The following SGTB variants were observed in gnomAD, a reference collection of about 807,000 sequenced individuals.
SGTB encodes the protein small glutamine rich tetratricopeptide repeat co-chaperone beta.
Under a neutral mutation model 43.9 loss-of-function variants are expected in SGTB, and 19 were observed. The observed-to-expected ratio is 0.43, with a 90% confidence interval of 0.30 to 0.63. The LOEUF is 0.63. SGTB is among the 30% of genes least tolerant of loss of function. SGTB has a pLI of 0.12. For synonymous variants in SGTB, 116 were observed against 117.3 expected (o/e 0.99, Z 0.07); for missense variants, 304 against 358.9 (o/e 0.85, Z 1.24).
At chr5:65,688,751 T>C (rs928288255) in intron 5 of SGTB, among the ~76,000 whole-genome samples, 4 of 152,162 alleles carry the variant, frequency 2.6e-5, no homozygotes, top group African/African-American at 7.2e-5. Flanking sequence ...AATAATACCA[T>C]GTGGATTGCA....
chr5:65,697,087 G>C (rs1028107061), intron 5 of SGTB, among the ~76,000 whole-genome samples: 7 of 152,164 alleles, frequency 4.6e-5, no homozygotes, highest in Admixed American at 4.6e-4. Context: ...AAAAATGGCA[G>C]AGGTAGTTGG....
At chr5:65,671,845 C>T (rs1450689974) in intron 10 of SGTB, 70 bp downstream of exon 10, 12 of 1,375,810 alleles carry the variant, frequency 8.7e-6, no homozygotes, top group East Asian at 4.9e-5. Context: ...AAGCCCTGAC[C>T]CCTCACCATA....
chr5:65,680,689 T>C lies in SGTB; in HGVS notation c.585A>G (p.Ile195Met). The C allele has an allele frequency of 6.2e-7, 1 of 1,614,136 alleles. No homozygotes were observed. The highest frequency in any genetic ancestry group is 8.5e-7 in the Non-Finnish European group (1 of 1,180,012). The change falls in exon 7 of 11, where the codon ATA becomes ATG. Residue 195 changes from isoleucine (I) to methionine (M), a missense_variant. Transcript: ENST00000381007. ...ATACCTCTCTTAACTTCTGTTCTGCTATTTTCAGATTTGACTTATAGGAAT... is the reference window on the plus strand; with the variant it reads ...ATACCTCTCTTAACTTCTGTTCTGCCATTTTCAGATTTGACTTATAGGAAT... ...ENDSYKSNLKIAEQKLREVSS... is the reference protein window; with the variant it reads ...ENDSYKSNLKMAEQKLREVSS...
chr5:65,720,748 C>T lies in SGTB; in HGVS notation c.60G>A (p.Gln20=). The change falls in exon 2 of 11, where the codon CAG becomes CAA. Residue 20 remains glutamine, a synonymous_variant. Transcript: ENST00000381007. ...AVIRFLREQS[Q]MDTYTSDEQE... ...GTTCATCCGAGGTGTAAGTGTCCAT[C>T]TGACTTTGTTCCCGTAAGAAACGAA... The T allele has an allele frequency of 6.2e-7, 1 of 1,613,996 alleles. No homozygotes were observed. Among genetic ancestry groups the T allele is most frequent in the Admixed American group, 1.7e-5 (1 of 60,020 alleles).
intron 8 of SGTB, among the ~76,000 whole-genome samples, chr5:65,680,122 G>A (rs992714835): frequency 2.0e-5 from 3 of 152,208 alleles, no homozygotes; most frequent in Admixed American, 6.5e-5. Context: ...GCCAAATGAT[G>A]AGAACACAAT....
chr5:65,722,524 C>T (rs878907570), upstream of SGTB: 1 of 985,002 alleles, frequency 1.0e-6, no homozygotes, highest in Non-Finnish European at 1.5e-6. Flanking sequence ...TCCGACGCTC[C>T]CGGGACGCAC....
intron 5 of SGTB, among the ~76,000 whole-genome samples, chr5:65,686,977 A>C (rs1757511909): frequency 6.6e-6 from 1 of 152,192 alleles, no homozygotes; most frequent in Admixed American, 6.5e-5. Context: ...CTGGATGTAC[A>C]TAGTAATAAA....
chr5:65,674,172 T>G (rs1019478914), intron 8 of SGTB, among the ~76,000 whole-genome samples: 6 of 150,766 alleles, frequency 4.0e-5, no homozygotes, highest in African/African-American at 7.4e-5. Flanking sequence ...TATGGGGTAC[T>G]TTCTCATGTT....
rs13358279 is a variant in SGTB, at chr5:65,670,963, T to C, written c.804-606A>G. ...TCAGACACAGATTCAAAAAGCAAAG[T>C]TGTCTTCGCCAATTTGATATAAGTG... On this transcript the variant is annotated intron_variant, in intron 10 of 10. Coordinates refer to ENST00000381007, the MANE Select transcript of SGTB (RefSeq NM_019072.3). Among the ~76,000 whole-genome samples, 466 of 152,152 alleles carry C rather than the reference T, an allele frequency of 3.1e-3. 5 individuals are homozygous for C. The highest frequency in any genetic ancestry group is 0.011 in the African/African-American group (450 of 41,506).
intron 3 of SGTB, among the ~76,000 whole-genome samples, chr5:65,712,256 A>AGG (rs1004494846): frequency 6.6e-6 from 1 of 152,198 alleles, no homozygotes; most frequent in African/African-American, 2.4e-5. Context: ...GCTGGGTGAC[A>AGG]GAGAGAGACC....
chr5:65,697,667 TTAA>T (rs1374274713), intron 5 of SGTB, among the ~76,000 whole-genome samples: 1 of 152,180 alleles, frequency 6.6e-6, no homozygotes, highest in East Asian at 1.9e-4. Flanking sequence ...ACATTGATGA[TTAA>T]TAAAGGAATT....
chr5:65,676,165 CAG>C (rs567919190), intron 8 of SGTB, among the ~76,000 whole-genome samples: 56 of 152,006 alleles, frequency 3.7e-4, no homozygotes, highest in African/African-American at 1.3e-3. Flanking sequence ...AAATGGAAAA[CAG>C]AAAAAAGCAG....
Position 65,704,371 on chromosome 5 carries a change from G to T in SGTB, c.282C>A (p.Asn94Lys). The T allele has an allele frequency of 6.2e-7, 1 of 1,610,546 alleles. No homozygotes were observed. The highest frequency in any genetic ancestry group is 8.5e-7 in the Non-Finnish European group (1 of 1,178,234). Reference protein sequence around the residue: ...KADQLKDEGNNHMKEENYAAA... With the variant: ...KADQLKDEGNKHMKEENYAAA... ...CAGCATAATTTTCTTCTTTCATGTG[G>T]TTATTGCCTAAAATAAAGTAACCAG... The change falls in exon 5 of 11, where the codon AAC (asparagine) becomes AAA (lysine). Residue 94 changes from asparagine to lysine, a missense_variant. Coordinates refer to ENST00000381007, the MANE Select transcript of SGTB (RefSeq NM_019072.3).
At chr5:65,722,256 C>G, upstream of SGTB, 1 of 688,172 alleles carries the variant, frequency 1.5e-6, no homozygotes, top group Non-Finnish European at 2.2e-6. Flanking sequence ...CAGGCAGCCA[C>G]TGTGGCCTCT....
At chr5:65,709,175 A>C (rs1033606840) in intron 3 of SGTB, among the ~76,000 whole-genome samples, 1 of 152,222 alleles carries the variant, frequency 6.6e-6, no homozygotes, top group Non-Finnish European at 1.5e-5. Context: ...AATATGATCA[A>C]GGGATTGTTT....
At chr5:65,689,471 C>T (rs941979202) in intron 5 of SGTB, among the ~76,000 whole-genome samples, 2 of 152,030 alleles carry the variant, frequency 1.3e-5, no homozygotes, top group Non-Finnish European at 2.9e-5. Flanking sequence ...ATGTCTCCTG[C>T]CCTCATAATT....
chr5:65,710,092 G>A (rs994678673), intron 3 of SGTB, among the ~76,000 whole-genome samples: 1 of 151,882 alleles, frequency 6.6e-6, no homozygotes, highest in African/African-American at 2.4e-5. Context: ...GTTTTCCCAA[G>A]CATAAAATAT....
At chr5:65,682,883 A>T (rs1346197346) in intron 6 of SGTB, among the ~76,000 whole-genome samples, 1 of 152,200 alleles carries the variant, frequency 6.6e-6, no homozygotes, top group Non-Finnish European at 1.5e-5. Flanking sequence ...ATGAATTAGC[A>T]AATACTGAAC....
Position 65,680,672 on chromosome 5 carries a change from C to A in SGTB, c.602G>T (p.Arg201Ile). The A allele has an allele frequency of 6.2e-7, 1 of 1,614,052 alleles. No homozygotes were observed. Among genetic ancestry groups the A allele is most frequent in the Non-Finnish European group, 8.5e-7 (1 of 1,179,998 alleles). Residue 201 changes from arginine to isoleucine, a missense_variant, in exon 7 of 11, where the codon AGA (arginine) becomes ATA (isoleucine). By Grantham distance (97) the Arg-to-Ile change is moderately conservative. Transcript: ENST00000381007. ...ACAACTTACAGGACTGGATACCTCT[C>A]TTAACTTCTGTTCTGCTATTTTCAG... Reference protein sequence around the residue: ...SNLKIAEQKLREVSSPTGTGL... With the variant: ...SNLKIAEQKLIEVSSPTGTGL...
Sources: gnomAD v4.1 joint callset for allele counts (sites outside exome capture counted in the v4.1 genomes callset) on GRCh38, gnomAD v4.1.1 for gene constraint, MANE v1.5 for transcripts, NCBI Gene and HGNC (gene_info 2026-07-23, HGNC 2026-07-21) for gene names.